The following LUZP2 variants were observed in gnomAD, a reference collection of about 807,000 sequenced individuals.
The protein encoded by LUZP2 is leucine zipper protein 2.
LUZP2 carries 52 observed loss-of-function variants against 51.6 expected under a neutral mutation model. That is an observed-to-expected ratio of 1.01 (90% confidence interval 0.81 to 1.27). The LOEUF (loss-of-function observed/expected upper bound fraction) is 1.27. Ranked by LOEUF, LUZP2 falls within the 50% of genes most tolerant of loss-of-function variation. The pLI is 0.00. For synonymous variants in LUZP2, 154 were observed against 137.3 expected (o/e 1.12, Z -0.85); for missense variants, 436 against 395.4 (o/e 1.10, Z -0.87).
intron 9 of LUZP2, among the ~76,000 whole-genome samples, chr11:24,984,727 T>A (rs544786118): frequency 2.0e-5 from 3 of 151,344 alleles, no homozygotes; most frequent in Non-Finnish European, 4.4e-5. Context: ...AAGTTTCTGC[T>A]GAGAGTCTTC....
intron 5 of LUZP2, among the ~76,000 whole-genome samples, chr11:24,872,249 C>A (rs1435357403): frequency 6.6e-6 from 1 of 152,076 alleles, no homozygotes; most frequent in Non-Finnish European, 1.5e-5. Context: ...ACCTTATATA[C>A]CAGTGCTAGT....
intron 9 of LUZP2, among the ~76,000 whole-genome samples, chr11:24,991,388 G>A (rs1162590099): frequency 2.2e-4 from 14 of 65,034 alleles, no homozygotes; most frequent in East Asian, 1.2e-3. Context: ...GTGTGTGTGT[G>A]TGTGTGTGTA....
chr11:24,670,590 G>GAC (rs894471163), intron 1 of LUZP2, among the ~76,000 whole-genome samples: 1 of 151,808 alleles, frequency 6.6e-6, no homozygotes, highest in Non-Finnish European at 1.5e-5. Context: ...AAAACACACA[G>GAC]ACACACACAT....
chr11:24,942,306 A>G (rs1474957317), intron 7 of LUZP2, among the ~76,000 whole-genome samples: 1 of 152,156 alleles, frequency 6.6e-6, no homozygotes, highest in Non-Finnish European at 1.5e-5. Context: ...AATTGAATGT[A>G]CCATTGCATT....
At chr11:24,604,218 G>A (rs1590231714) in intron 1 of LUZP2, among the ~76,000 whole-genome samples, 1 of 151,860 alleles carries the variant, frequency 6.6e-6, no homozygotes, top group East Asian at 1.9e-4. Context: ...TGAGTAGAAA[G>A]CATAAATTAT....
chr11:24,987,589 A>G (rs1856225133), intron 9 of LUZP2, among the ~76,000 whole-genome samples: 1 of 151,848 alleles, frequency 6.6e-6, no homozygotes, highest in Non-Finnish European at 1.5e-5. Context: ...TGTGGTATCT[A>G]CTTAATTGGA....
chr11:25,061,395 T>C (rs1858832918), intron 10 of LUZP2, among the ~76,000 whole-genome samples: 1 of 152,198 alleles, frequency 6.6e-6, no homozygotes, highest in African/African-American at 2.4e-5. Context: ...GAGGTGTTGG[T>C]GAATATGTGT....
intron 9 of LUZP2, among the ~76,000 whole-genome samples, chr11:25,019,980 TATA>T (rs1857284820): frequency 6.6e-6 from 1 of 152,144 alleles, no homozygotes; most frequent in South Asian, 2.1e-4. Context: ...TGTGTTTTGG[TATA>T]ATATTTAAAG....
chr11:24,840,843 T>C (rs1028833706), intron 5 of LUZP2, among the ~76,000 whole-genome samples: 3 of 151,984 alleles, frequency 2.0e-5, no homozygotes, highest in South Asian at 2.1e-4. Flanking sequence ...CATCATTCTA[T>C]CTAAGAAGAG....
intron 5 of LUZP2, among the ~76,000 whole-genome samples, chr11:24,882,834 G>C (rs2134299082): frequency 6.6e-6 from 1 of 150,594 alleles, no homozygotes; most frequent in African/African-American, 2.4e-5. Flanking sequence ...GAGGGAATGA[G>C]AAGGGAGAGA....
intron 1 of LUZP2, among the ~76,000 whole-genome samples, chr11:24,671,753 G>A (rs1856408082): frequency 6.6e-6 from 1 of 152,018 alleles, no homozygotes; most frequent in Non-Finnish European, 1.5e-5. Context: ...AACATTACAC[G>A]AACCTAGTTG....
At chr11:24,898,268 A>G (rs994655036) in intron 5 of LUZP2, among the ~76,000 whole-genome samples, 1 of 152,028 alleles carries the variant, frequency 6.6e-6, no homozygotes, top group Non-Finnish European at 1.5e-5. Context: ...TCAGGTAAGT[A>G]TGTCAGATCC....
intron 4 of LUZP2, 68 bp from the exon 5 acceptor site, chr11:24,763,178 G>T: frequency 1.4e-6 from 1 of 721,808 alleles, no homozygotes; most frequent in Non-Finnish European, 2.1e-6. Context: ...TCAAAATAAT[G>T]AAAAAAATAA....
At chr11:24,694,040 A>T (rs996467213) in intron 1 of LUZP2, among the ~76,000 whole-genome samples, 3 of 152,080 alleles carry the variant, frequency 2.0e-5, no homozygotes, top group Non-Finnish European at 4.4e-5. Flanking sequence ...CAATTTGGAA[A>T]AAAATAAAGT....
intron 1 of LUZP2, among the ~76,000 whole-genome samples, chr11:24,658,611 A>G (rs932318079): frequency 2.0e-5 from 3 of 152,216 alleles, no homozygotes; most frequent in African/African-American, 7.2e-5. Context: ...GCACAGCAAA[A>G]GAAACTACCA....
intron 5 of LUZP2, among the ~76,000 whole-genome samples, chr11:24,839,087 G>A (rs1219844646): frequency 6.6e-6 from 1 of 151,614 alleles, no homozygotes; most frequent in Non-Finnish European, 1.5e-5. Context: ...TAAAGTTGTA[G>A]GTTGTATACT....
chr11:24,714,538 T>C (rs1461801098), intron 1 of LUZP2, among the ~76,000 whole-genome samples: 2 of 152,062 alleles, frequency 1.3e-5, no homozygotes, highest in Non-Finnish European at 2.9e-5. Context: ...TAGAAAGCTT[T>C]GTTTTCTGAA....
At chr11:24,726,512 C>A (rs567862322) in intron 1 of LUZP2, among the ~76,000 whole-genome samples, 1 of 151,588 alleles carries the variant, frequency 6.6e-6, no homozygotes, top group African/African-American at 2.4e-5. Flanking sequence ...TGAAGCCAGA[C>A]CTCCCACCCT....
chr11:24,521,485 G>A (rs1264191258), intron 1 of LUZP2, among the ~76,000 whole-genome samples: 7 of 151,954 alleles, frequency 4.6e-5, no homozygotes. Flanking sequence ...GTTTCTTAGG[G>A]AGAAAAATTT....
Sources: allele counts gnomAD v4.1 joint callset (sites outside exome capture counted in the v4.1 genomes callset), GRCh38; gene constraint gnomAD v4.1.1; transcripts MANE v1.5; gene names NCBI Gene and HGNC (gene_info 2026-07-23, HGNC 2026-07-21).